GSAP: variants seen among roughly 807,000 people sequenced by gnomAD.
GSAP encodes the protein gamma-secretase-activating protein.
GSAP carries 118 observed loss-of-function variants against 131.7 expected under a neutral mutation model. That is an observed-to-expected ratio of 0.90 (90% CI 0.77 to 1.04). The LOEUF (loss-of-function observed/expected upper bound fraction) is 1.04, where lower values mean the gene tolerates loss of function less well. GSAP is among the 50% of genes least tolerant of loss of function. The pLI is 0.00. For synonymous variants in GSAP, 381 were observed against 363.4 expected (o/e 1.05, Z -0.55); for missense variants, 1,019 against 1,013.2 (o/e 1.01, Z -0.08).
intron 19 of GSAP, among the ~76,000 whole-genome samples, chr7:77,341,886 A>G (rs1387273156): frequency 3.3e-5 from 5 of 152,184 alleles, no homozygotes; most frequent in Admixed American, 3.3e-4. Flanking sequence ...CCCCAGCCAC[A>G]TCTCCAGCAC....
chr7:77,311,341 C>A lies in GSAP; in HGVS notation c.*17G>T. On this transcript the variant is annotated 3_prime_UTR_variant, in exon 31 of 31. Transcript: ENST00000257626. ...AAGATTAAAATGGCAGCAGCAGATC[C>A]AATTGCGTTTTCTTTTTCATAAGCC... 6.9e-7 allele frequency: 1 copy of A among 1,451,468 alleles called. No homozygotes were observed. Among genetic ancestry groups the A allele is most frequent in the Non-Finnish European group, 9.7e-7 (1 of 1,032,008 alleles). The allele number at this position is 1,451,468 out of a possible 1,614,324, so 89.9% of individuals were successfully genotyped here.
chr7:77,410,807 C>T (rs948792659), intron 1 of GSAP, among the ~76,000 whole-genome samples: 4 of 152,012 alleles, frequency 2.6e-5, no homozygotes, highest in African/African-American at 7.2e-5. Context: ...AGGAGAAAAA[C>T]GTCATTCAGC....
At chr7:77,373,520 A>G (rs2150987877) in intron 12 of GSAP, among the ~76,000 whole-genome samples, 1 of 152,340 alleles carries the variant, frequency 6.6e-6, no homozygotes, top group South Asian at 2.1e-4. Flanking sequence ...TTTTCACCAG[A>G]TTTATTGAAT....
At chr7:77,393,563 T>A (rs796299199) in intron 5 of GSAP, among the ~76,000 whole-genome samples, 4 of 152,162 alleles carry the variant, frequency 2.6e-5, no homozygotes, top group African/African-American at 9.6e-5. Flanking sequence ...CATGCCCTTC[T>A]ACCTGTTCTA....
At chr7:77,362,152 A>G (rs1020460612) in intron 13 of GSAP, among the ~76,000 whole-genome samples, 27 of 152,204 alleles carry the variant, frequency 1.8e-4, no homozygotes, top group Non-Finnish European at 4.4e-5. Flanking sequence ...TCCTGTAAGT[A>G]TACAGATATA....
intron 12 of GSAP, among the ~76,000 whole-genome samples, chr7:77,365,930 A>G (rs1795235983): frequency 7.4e-6 from 1 of 135,260 alleles, no homozygotes; most frequent in African/African-American, 2.8e-5. Flanking sequence ...TTTACTTTTA[A>G]TAATAGCCAT....
In GSAP at chr7:77,391,195, G is replaced by C. The variant is rs76429785; in HGVS notation, c.368-3747C>G. 6.4e-3 allele frequency among the ~76,000 whole-genome samples: 949 copies of C among 148,854 alleles called. 60 individuals are homozygous for C. In the East Asian group the frequency reaches 0.15, roughly 23 times the overall value. On this transcript the variant is annotated intron_variant, in intron 5 of 30. Coordinates refer to ENST00000257626, the MANE Select transcript of GSAP (RefSeq NM_017439.4). The stretch of plus-strand genomic sequence containing the variant: ...ATATTTGGCTTTTTTTTTTAAGCAG[G>C]AATTTGTACCCAAAGGAGACAGCCA...
chr7:77,380,125 A>T (rs1339321364), intron 8 of GSAP: 1 of 162,204 alleles, frequency 6.2e-6, no homozygotes, highest in Non-Finnish European at 1.3e-5. Context: ...TCAAAAAAGC[A>T]AATCAAATAG....
intron 1 of GSAP, among the ~76,000 whole-genome samples, chr7:77,412,084 C>T (rs994925904): frequency 8.5e-5 from 13 of 152,178 alleles, no homozygotes; most frequent in Non-Finnish European, 1.3e-4. Flanking sequence ...GAGGCTGAGG[C>T]AGGAGAATCG....
At chr7:77,337,283 A>ACGGGGG (rs1297498337) in intron 19 of GSAP, among the ~76,000 whole-genome samples, 38 of 22,560 alleles carry the variant, frequency 1.7e-3, no homozygotes, top group Admixed American at 0.014. Context: ...CTCCCAAGTA[A>ACGGGGG]CGGGGGCGGG....
intron 6 of GSAP, among the ~76,000 whole-genome samples, chr7:77,385,208 A>AT (rs34847921): frequency 2.0e-5 from 3 of 151,718 alleles, no homozygotes; most frequent in Non-Finnish European, 2.9e-5. Flanking sequence ...TAATTTTTAT[A>AT]TTTTTAGTAG....
chr7:77,416,375 G>A (rs2151257859), upstream of GSAP: 2 of 937,676 alleles, frequency 2.1e-6, no homozygotes, highest in Non-Finnish European at 3.0e-6. Flanking sequence ...GGGCATTCCC[G>A]GCCCCGCGTG....
At chr7:77,372,648 A>T (rs1234305580) in intron 12 of GSAP, among the ~76,000 whole-genome samples, 1 of 152,226 alleles carries the variant, frequency 6.6e-6, no homozygotes, top group Non-Finnish European at 1.5e-5. Flanking sequence ...ACTGTAAATG[A>T]TATGATTGTA....
At chr7:77,328,069 G>A (rs1232054455) in intron 22 of GSAP, 2 of 301,538 alleles carry the variant, frequency 6.6e-6, no homozygotes, top group Non-Finnish European at 9.8e-6. Flanking sequence ...ACTTGCCCAG[G>A]AGCACATGGT....
intron 1 of GSAP, among the ~76,000 whole-genome samples, chr7:77,410,089 T>C (rs1222404679): frequency 1.3e-5 from 2 of 152,208 alleles, no homozygotes; most frequent in Non-Finnish European, 2.9e-5. Flanking sequence ...ACTACAAATG[T>C]ACATTACATA....
intron 24 of GSAP, among the ~76,000 whole-genome samples, chr7:77,322,581 A>C (rs1192857885): frequency 8.0e-6 from 1 of 125,310 alleles, no homozygotes; most frequent in Non-Finnish European, 1.6e-5. Context: ...GTGTGTTGTG[A>C]GTTTTTTTTT....
chr7:77,332,874 AC>A (rs923375841), intron 19 of GSAP, among the ~76,000 whole-genome samples: 8 of 152,162 alleles, frequency 5.3e-5, no homozygotes, highest in African/African-American at 1.7e-4. Flanking sequence ...AAGTGATCTA[AC>A]TTTTTTCAGT....
intron 1 of GSAP, among the ~76,000 whole-genome samples, chr7:77,414,929 C>T (rs1804050671): frequency 7.7e-6 from 1 of 130,608 alleles, no homozygotes; most frequent in Non-Finnish European, 1.5e-5. Flanking sequence ...GAGATCTCGG[C>T]TCACTGCAAC....
At chr7:77,318,295 T>C (rs1787143669) in intron 26 of GSAP, among the ~76,000 whole-genome samples, 1 of 152,144 alleles carries the variant, frequency 6.6e-6, no homozygotes, top group African/African-American at 2.4e-5. Context: ...CAAAAAATGG[T>C]TGGGCACTGA....
Sources: allele counts gnomAD v4.1 joint callset (sites outside exome capture counted in the v4.1 genomes callset), GRCh38; gene constraint gnomAD v4.1.1; transcripts MANE v1.5; gene names NCBI Gene and HGNC (gene_info 2026-07-23, HGNC 2026-07-21).